The following GPC6 variants were observed in gnomAD, a reference collection of about 807,000 sequenced individuals.
The protein encoded by GPC6 is glypican-6.
GPC6 carries 14 observed loss-of-function variants against 55.2 expected under a neutral mutation model. That is an observed-to-expected ratio of 0.25 (90% confidence interval 0.17 to 0.40). The LOEUF (loss-of-function observed/expected upper bound fraction) is 0.40. Ranked by LOEUF, GPC6 falls within the 10% of genes least tolerant of loss-of-function variation. GPC6 has a pLI of 1.00. For synonymous variants in GPC6, 278 were observed against 259.6 expected, an observed-to-expected ratio of 1.07 and a Z score of -0.68; for missense variants, 641 against 708.5, an observed-to-expected ratio of 0.90 and a Z score of 1.08.
chr13:93,231,393 A>G (rs868804983), intron 1 of GPC6, among the ~76,000 whole-genome samples: 554 of 24,602 alleles, frequency 0.023, 15 homozygotes, highest in African/African-American at 0.055. Flanking sequence ...ATATATATAT[A>G]TATGTATATA....
intron 3 of GPC6, among the ~76,000 whole-genome samples, chr13:93,964,226 A>T (rs1879914864): frequency 6.6e-6 from 1 of 152,206 alleles, no homozygotes; most frequent in Admixed American, 6.5e-5. Context: ...TGTTAGATTG[A>T]TAACCTTGCA....
In GPC6 at chr13:93,891,323, C is replaced by T. The variant is rs139539396; in HGVS notation, c.711+60778C>T. On this transcript the variant is annotated intron_variant, in intron 3 of 8. Coordinates refer to ENST00000377047, the MANE Select transcript of GPC6 (RefSeq NM_005708.5). Reference sequence around the variant, plus strand: ...AAGATTTTTCTCATTTTATTTCAAACGTAGGTGAGGTTGCTTTGTTTGGCT... The same window carrying T: ...AAGATTTTTCTCATTTTATTTCAAATGTAGGTGAGGTTGCTTTGTTTGGCT... Among the ~76,000 whole-genome samples, 64 of 152,178 alleles carry T rather than the reference C, an allele frequency of 4.2e-4. No homozygotes were observed. The East Asian group carries it at 8.3e-3, about 20-fold the overall frequency.
chr13:93,324,583 C>CATAT (rs1256486557), intron 1 of GPC6, among the ~76,000 whole-genome samples: 1 of 86,490 alleles, frequency 1.2e-5, no homozygotes, highest in African/African-American at 6.0e-5. Flanking sequence ...CACACACATA[C>CATAT]ATACATATAT....
chr13:94,149,737 A>C (rs1593988861), intron 4 of GPC6, among the ~76,000 whole-genome samples: 1 of 152,074 alleles, frequency 6.6e-6, no homozygotes, highest in Non-Finnish European at 1.5e-5. Flanking sequence ...TGACCCACAG[A>C]GAAGAAATAC....
At chr13:94,215,048 T>A (rs867738228) in intron 4 of GPC6, among the ~76,000 whole-genome samples, 39 of 152,222 alleles carry the variant, frequency 2.6e-4, no homozygotes, top group African/African-American at 7.2e-4. Flanking sequence ...TTCTTTCTTC[T>A]CCAGCTCCTA....
At chr13:93,823,435 C>G (rs1174730126) in intron 2 of GPC6, among the ~76,000 whole-genome samples, 1 of 151,866 alleles carries the variant, frequency 6.6e-6, no homozygotes, top group Non-Finnish European at 1.5e-5. Flanking sequence ...ACATTTTGAG[C>G]CTCAGCTTTC....
chr13:94,277,788 A>G (rs1892257936), intron 4 of GPC6, among the ~76,000 whole-genome samples: 1 of 152,046 alleles, frequency 6.6e-6, no homozygotes, highest in African/African-American at 2.4e-5. Context: ...CCATTGGTCT[A>G]TATGTCTGTT....
chr13:93,816,151 G>GT (rs1886841183), intron 2 of GPC6, among the ~76,000 whole-genome samples: 1 of 151,832 alleles, frequency 6.6e-6, no homozygotes, highest in Non-Finnish European at 1.5e-5. Flanking sequence ...CTTTAGTTTG[G>GT]TCTGATATCT....
At chr13:94,145,538 A>G (rs1887532509) in intron 4 of GPC6, among the ~76,000 whole-genome samples, 2 of 142,374 alleles carry the variant, frequency 1.4e-5, no homozygotes, top group African/African-American at 4.9e-5. Flanking sequence ...GTACCCCCAG[A>G]ATCTAAAATA....
Position 93,952,876 on chromosome 13 carries a change from A to ATATATATGTATATATATACG in GPC6, c.712-74846_712-74845insGTATATATATACGTATATAT, listed in dbSNP as rs1566619683. 1.5e-4 allele frequency among the ~76,000 whole-genome samples: 16 copies of ATATATATGTATATATATACG among 109,976 alleles called. 1 individual carries two copies. In the East Asian group the frequency reaches 5.3e-3, roughly 36 times the overall value. The allele number at this position is 109,976 out of a possible 152,430, so 72.1% of individuals were successfully genotyped here. ...TACGTATATATATGTATATATATAC[A>ATATATATGTATATATATACG]TATATATATGTGTGATATATACGTG... On this transcript the variant is annotated intron_variant, in intron 3 of 8. Transcript: ENST00000377047.
chr13:93,773,274 T>A (rs1885359785), intron 2 of GPC6, among the ~76,000 whole-genome samples: 1 of 152,186 alleles, frequency 6.6e-6, no homozygotes, highest in Non-Finnish European at 1.5e-5. Flanking sequence ...CAATGTTATA[T>A]TCTGAGTAAC....
chr13:93,830,371 G>A lies in GPC6; in HGVS notation c.537G>A (p.Gln179=), dbSNP rs992931760. Residue 179 remains glutamine, a synonymous_variant, in exon 3 of 9, where the codon CAG becomes CAA. Coordinates refer to ENST00000377047, the MANE Select transcript of GPC6 (RefSeq NM_005708.5). ...LERMFQLINP[Q]YHFSEDYLEC... ...GGATGTTTCAGCTGATAAACCCTCAGTATCACTTCAGTGAAGACTACCTGG... is the reference window on the plus strand; with the variant it reads ...GGATGTTTCAGCTGATAAACCCTCAATATCACTTCAGTGAAGACTACCTGG... 14 of 1,613,740 alleles carry A rather than the reference G, an allele frequency of 8.7e-6. No individual in the cohort carries two copies. Among genetic ancestry groups the A allele is most frequent in the Admixed American group, 5.0e-5 (3 of 59,964 alleles).
At chr13:94,310,184 C>T (rs1315587082) in intron 6 of GPC6, among the ~76,000 whole-genome samples, 2 of 152,096 alleles carry the variant, frequency 1.3e-5, no homozygotes, top group African/African-American at 4.8e-5. Flanking sequence ...CGCACTTGGA[C>T]AGGGAGTGTC....
chr13:93,809,536 G>T (rs1269947356), intron 2 of GPC6, among the ~76,000 whole-genome samples: 4 of 152,096 alleles, frequency 2.6e-5, no homozygotes, highest in Non-Finnish European at 5.9e-5. Flanking sequence ...AGGTACCTTT[G>T]GCAGCCACTT....
chr13:93,877,711 A>T (rs142512999), intron 3 of GPC6, among the ~76,000 whole-genome samples: 6 of 152,222 alleles, frequency 3.9e-5, no homozygotes, highest in African/African-American at 1.2e-4. Flanking sequence ...AAAGATAAAG[A>T]TGTATTTTAT....
chr13:94,107,022 G>A (rs966280523), intron 4 of GPC6, among the ~76,000 whole-genome samples: 2 of 152,120 alleles, frequency 1.3e-5, no homozygotes, highest in Non-Finnish European at 2.9e-5. Context: ...TAAGGGTGAG[G>A]AGTTGGCAAG....
At position 93,398,007 on chromosome 13, in the gene GPC6, A is replaced by G. The variant is rs564773878; in HGVS notation, c.161-147256A>G. 2.0e-5 allele frequency among the ~76,000 whole-genome samples: 3 copies of G among 152,288 alleles called. No homozygotes were observed. The East Asian group carries it at 5.8e-4, about 29-fold the overall frequency. On this transcript the variant is annotated intron_variant, in intron 1 of 8. Coordinates refer to ENST00000377047, the MANE Select transcript of GPC6 (RefSeq NM_005708.5). Reference sequence around the variant, plus strand: ...TGGAACCAGTGTTGATTCTTCCAATAGTAAATTTGTTCTGGGTTCCTTTCT... The same window carrying G: ...TGGAACCAGTGTTGATTCTTCCAATGGTAAATTTGTTCTGGGTTCCTTTCT...
At chr13:93,678,272 T>A (rs1371697696) in intron 2 of GPC6, among the ~76,000 whole-genome samples, 3 of 152,310 alleles carry the variant, frequency 2.0e-5, no homozygotes, top group East Asian at 3.9e-4. Context: ...TACTTATGCT[T>A]GTTTATACAA....
At chr13:93,925,626 A>G (rs942213838) in intron 3 of GPC6, among the ~76,000 whole-genome samples, 1 of 152,232 alleles carries the variant, frequency 6.6e-6, no homozygotes, top group Non-Finnish European at 1.5e-5. Context: ...GCTGTGTAAC[A>G]AACTATCCCA....
Sources: allele counts gnomAD v4.1 joint callset (sites outside exome capture counted in the v4.1 genomes callset), GRCh38; gene constraint gnomAD v4.1.1; transcripts MANE v1.5; gene names NCBI Gene and HGNC (gene_info 2026-07-23, HGNC 2026-07-21).